MIER2: variants seen among roughly 807,000 people sequenced by gnomAD.
The protein encoded by MIER2 is MIER family member 2, also known as mesoderm induction early response protein 2.
A neutral mutation model predicts 67.6 loss-of-function variants in MIER2; 30 were observed. The ratio of observed to expected loss-of-function variants is 0.44; its 90% CI spans 0.33 to 0.60. The LOEUF (loss-of-function observed/expected upper bound fraction) is 0.60, where lower values mean the gene tolerates loss of function less well. Among genes scored for constraint, MIER2 ranks in the 20% least tolerant of loss-of-function variants. MIER2 has a pLI of 0.02. For synonymous variants in MIER2, 372 were observed against 312.6 expected (o/e 1.19, Z -2.00); for missense variants, 702 against 745.1 (o/e 0.94, Z 0.67).
At chr19:337,964 C>G (rs181628355) in intron 1 of MIER2, among the ~76,000 whole-genome samples, 3 of 149,916 alleles carry the variant, frequency 2.0e-5, no homozygotes, top group African/African-American at 4.9e-5. Context: ...ACGAGGTCAG[C>G]AGATGGAGAT....
chr19:335,123 G>A (rs528494591), intron 2 of MIER2, among the ~76,000 whole-genome samples: 4 of 152,256 alleles, frequency 2.6e-5, no homozygotes, highest in Admixed American at 2.6e-4. Flanking sequence ...AAAGAACTGG[G>A]ATGTGTCACC....
At chr19:328,628 G>C (rs1971876410) in intron 3 of MIER2, among the ~76,000 whole-genome samples, 1 of 152,100 alleles carries the variant, frequency 6.6e-6, no homozygotes, top group South Asian at 2.1e-4. Flanking sequence ...TCCACCTGTA[G>C]TCTCAGCTAC....
intron 7 of MIER2, among the ~76,000 whole-genome samples, chr19:314,996 G>A (rs975887177): frequency 3.9e-5 from 6 of 152,048 alleles, no homozygotes; most frequent in African/African-American, 1.4e-4. Flanking sequence ...CCAGGAGGTC[G>A]AGGTTGCAAT....
chr19:331,189 G>A (rs758924073), intron 3 of MIER2, among the ~76,000 whole-genome samples: 5 of 151,700 alleles, frequency 3.3e-5, no homozygotes, highest in Non-Finnish European at 5.9e-5. Flanking sequence ...GTAAAACCTC[G>A]TCTCTACTAA....
Position 311,863 on chromosome 19 carries a change from G to A in MIER2, c.966C>T (p.His322=), listed in dbSNP as rs1568217779. 1.2e-6 allele frequency: 2 copies of A among 1,613,956 alleles called. No homozygotes were observed. Among genetic ancestry groups the A allele is most frequent in the African/African-American group, 1.3e-5 (1 of 74,936 alleles). ...HGFRVHGKNF[H]LIQANKVRTR... ...TCCGCACCTTGTTGGCCTGGATCAG[G>A]TGAAAGTTCTTTCCATGCACACGGA... The change falls in exon 10 of 14, where the codon CAC becomes CAT. Residue 322 remains histidine, a synonymous_variant. Transcript: ENST00000264819.
chr19:331,904 C>A (rs57828936), intron 3 of MIER2, among the ~76,000 whole-genome samples: 40,636 of 151,796 alleles, frequency 0.27, 6,127 homozygotes, highest in East Asian at 0.64. Flanking sequence ...TCACTTGAGC[C>A]CAGGAGGCGG....
At chr19:312,320 G>C (rs191960753) in intron 8 of MIER2, 48 bp from the exon 9 acceptor site, 2 of 1,572,624 alleles carry the variant, frequency 1.3e-6, no homozygotes. Context: ...CGCAGGAGCC[G>C]ACAGCAAGAA....
Position 344,794 on chromosome 19 carries a change from C to T in MIER2, c.-12G>A. The stretch of plus-strand genomic sequence containing the variant: ...CTCACCTCCGCCATGGCCGTGTGTG[C>T]GCGGGAGGCGGTGGCCGCGCCGGGA... On this transcript the variant is annotated 5_prime_UTR_variant, in exon 1 of 14. Coordinates refer to ENST00000264819, the MANE Select transcript of MIER2 (RefSeq NM_017550.3). The T allele has an allele frequency of 1.7e-6, 2 of 1,198,016 alleles. No homozygotes were observed. The highest frequency in any genetic ancestry group is 8.3e-5 in the South Asian group (2 of 24,082). 74.2% of individuals were successfully genotyped at this position (1,198,016 alleles called of 1,614,324 possible).
intron 10 of MIER2, among the ~76,000 whole-genome samples, chr19:310,271 C>T (rs1475208004): frequency 1.3e-5 from 2 of 152,232 alleles, no homozygotes; most frequent in South Asian, 2.1e-4. Flanking sequence ...CCACCCAGAA[C>T]GAGGATGCCC....
intron 7 of MIER2, among the ~76,000 whole-genome samples, chr19:319,444 A>G (rs72984459): frequency 0.12 from 17,641 of 152,226 alleles, 1,303 homozygotes; most frequent in African/African-American, 0.19. Flanking sequence ...GTAAAGAGTA[A>G]TACAATTGAT....
At position 344,757 on chromosome 19, in the gene MIER2, C is replaced by G; in HGVS notation, c.9+17G>C. 8.5e-7 allele frequency: 1 copy of G among 1,180,132 alleles called. No individual in the cohort carries two copies. The allele number at this position is 1,180,132 out of a possible 1,614,324, so 73.1% of individuals were successfully genotyped here. ...GCGCGGGGGCGGGGGGCCGGCTCCC[C>G]CGGCCCGCTCACTCACCTCCGCCAT... On this transcript the variant is annotated intron_variant, in intron 1 of 13. Coordinates refer to ENST00000264819, the MANE Select transcript of MIER2 (RefSeq NM_017550.3).
At position 306,649 on chromosome 19, in the gene MIER2, TAAGTC is replaced by T; in HGVS notation, c.*36_*40del. 6.4e-7 allele frequency: 1 copy of T among 1,551,242 alleles called. No individual in the cohort carries two copies. The highest frequency in any genetic ancestry group is 2.4e-5 in the East Asian group (1 of 40,896). ...ACAGAGGCGGGCCCAGCGGCAGCGC[TAAGTC>T]CAGTCTGGGCCGCATACGCCGCCCG... is the stretch of plus-strand genomic sequence containing the variant. On this transcript the variant is annotated 3_prime_UTR_variant, in exon 14 of 14. Coordinates refer to ENST00000264819, the MANE Select transcript of MIER2 (RefSeq NM_017550.3).
At chr19:316,674 T>C (rs1007521483) in intron 7 of MIER2, among the ~76,000 whole-genome samples, 1 of 152,182 alleles carries the variant, frequency 6.6e-6, no homozygotes, top group African/African-American at 2.4e-5. Flanking sequence ...GGAACTAGAA[T>C]GTACTTATTT....
At chr19:340,807 T>C (rs1005361007) in intron 1 of MIER2, among the ~76,000 whole-genome samples, 2 of 152,098 alleles carry the variant, frequency 1.3e-5, no homozygotes, top group African/African-American at 2.4e-5. Context: ...AAGTGGAGAC[T>C]GACAGGACCC....
chr19:306,805 A>C, intron 13 of MIER2, 94 bp from the exon 14 acceptor site: 1 of 1,537,212 alleles, frequency 6.5e-7, no homozygotes, highest in Non-Finnish European at 8.8e-7. Context: ...CGAGACTCCC[A>C]GCCTTGCCTC....
chr19:344,125 T>C, intron 1 of MIER2: 1 of 985,422 alleles, frequency 1.0e-6, no homozygotes, highest in Non-Finnish European at 1.2e-6. Flanking sequence ...AGTAACTTCG[T>C]GCCCGGGAGA....
rs780906374 is a variant in MIER2, at chr19:336,180, AG to A, written c.10-8del. ...GCCTCCCCAGCGAGGAGGCCTGCGA[AG>A]GAAGAGAGGCAGGGTTAGCTCGGCC... On this transcript the variant is annotated splice_polypyrimidine_tract_variant and splice_region_variant and intron_variant, in intron 1 of 13. Transcript: ENST00000264819. The A allele has an allele frequency of 6.2e-7, 1 of 1,611,658 alleles. No homozygotes were observed. Among genetic ancestry groups the A allele is most frequent in the Middle Eastern group, 1.7e-4 (1 of 5,904 alleles).
Position 326,723 on chromosome 19 carries a change from T to C in MIER2, c.494-125A>G, listed in dbSNP as rs555225781. ...CCATAACCCTCTCTCTGGCCAGACA[T>C]TGGGTAAACAGATGGGCACAGGACC... is the stretch of plus-strand genomic sequence containing the variant. On this transcript the variant is annotated intron_variant, in intron 5 of 13. Coordinates refer to ENST00000264819, the MANE Select transcript of MIER2 (RefSeq NM_017550.3). The C allele has an allele frequency of 2.0e-4, 157 of 775,166 alleles. 1 individual carries two copies. Among genetic ancestry groups the C allele is most frequent in the East Asian group, 4.7e-4 (18 of 38,502 alleles). 48.0% of individuals were successfully genotyped at this position (775,166 alleles called of 1,614,324 possible).
chr19:309,319 G>A (rs897982077), intron 10 of MIER2, among the ~76,000 whole-genome samples: 2 of 152,002 alleles, frequency 1.3e-5, no homozygotes, highest in Non-Finnish European at 2.9e-5. Context: ...TCACAGGCCC[G>A]GGGTGGGAGT....
Sources: gnomAD v4.1 joint callset for allele counts (sites outside exome capture counted in the v4.1 genomes callset) on GRCh38, gnomAD v4.1.1 for gene constraint, MANE v1.5 for transcripts, NCBI Gene and HGNC (gene_info 2026-07-23, HGNC 2026-07-21) for gene names.